Variants in PLCL1 observed in about 807,000 individuals in gnomAD.
The protein encoded by PLCL1 is inactive phospholipase C-like protein 1.
PLCL1 carries 41 observed loss-of-function variants against 84.4 expected under a neutral mutation model. The ratio of observed to expected loss-of-function variants is 0.49; its 90% CI spans 0.38 to 0.63. PLCL1 has a LOEUF of 0.63. Ranked by LOEUF, PLCL1 falls within the 30% of genes least tolerant of loss-of-function variation. The probability of loss-of-function intolerance (pLI) is 0.00; values close to 1 mark genes in which losing one functional copy is unlikely to be tolerated. For synonymous variants in PLCL1, 490 were observed against 488.3 expected, an observed-to-expected ratio of 1.00 and a Z score of -0.05; for missense variants, 1,206 against 1,367.8, an observed-to-expected ratio of 0.88 and a Z score of 1.87.
At chr2:198,110,295 C>G (rs1477551312) in intron 5 of PLCL1, among the ~76,000 whole-genome samples, 2 of 151,814 alleles carry the variant, frequency 1.3e-5, no homozygotes, top group African/African-American at 2.4e-5. Context: ...ACTACTTAAG[C>G]CTTTGCTCCT....
At chr2:197,860,223 C>T (rs556134211) in intron 1 of PLCL1, among the ~76,000 whole-genome samples, 110 of 152,082 alleles carry the variant, frequency 7.2e-4, no homozygotes, top group African/African-American at 2.6e-3. Flanking sequence ...TTTTTTATGG[C>T]TGCATAGTAT....
At chr2:198,012,970 T>C (rs1690907648) in intron 1 of PLCL1, among the ~76,000 whole-genome samples, 2 of 152,222 alleles carry the variant, frequency 1.3e-5, no homozygotes, top group South Asian at 4.1e-4. Context: ...AGAAAACCTT[T>C]TACATCTCTG....
At chr2:198,030,126 G>A (rs1691375975) in intron 1 of PLCL1, among the ~76,000 whole-genome samples, 2 of 152,064 alleles carry the variant, frequency 1.3e-5, no homozygotes, top group South Asian at 2.1e-4. Flanking sequence ...CTACTACACA[G>A]TAGTTATTTT....
At chr2:197,843,554 A>G (rs1687055019) in intron 1 of PLCL1, among the ~76,000 whole-genome samples, 1 of 152,216 alleles carries the variant, frequency 6.6e-6, no homozygotes, top group Non-Finnish European at 1.5e-5. Flanking sequence ...CAATGGAAGC[A>G]TGATGAGAAT....
Position 197,908,003 on chromosome 2 carries a change from G to T in PLCL1, c.240+102664G>T, listed in dbSNP as rs1329270846. ...CATCTTTTTTAACCTATCATCTGACGTGAGTGATATTTGAGAGGGAGAATG... is the reference window on the plus strand; with the variant it reads ...CATCTTTTTTAACCTATCATCTGACTTGAGTGATATTTGAGAGGGAGAATG... On this transcript the variant is annotated intron_variant, in intron 1 of 5. Transcript: ENST00000428675. Among the ~76,000 whole-genome samples the T allele has an allele frequency of 2.0e-5, 3 of 152,182 alleles. No individual in the cohort carries two copies. In the East Asian group the frequency reaches 5.8e-4, roughly 29 times the overall value.
intron 1 of PLCL1, among the ~76,000 whole-genome samples, chr2:198,044,932 A>G (rs1329840269): frequency 1.3e-5 from 2 of 152,208 alleles, no homozygotes; most frequent in East Asian, 1.9e-4. Flanking sequence ...TAGGTAGCAT[A>G]TAACATAGGA....
chr2:197,948,864 G>T (rs998396012), intron 1 of PLCL1, among the ~76,000 whole-genome samples: 1 of 152,098 alleles, frequency 6.6e-6, no homozygotes, highest in Non-Finnish European at 1.5e-5. Context: ...GTGTTCCTTG[G>T]GTTATCCTTG....
At chr2:197,890,682 C>CTATATATATA (rs1553500076) in intron 1 of PLCL1, among the ~76,000 whole-genome samples, 78 of 116,192 alleles carry the variant, frequency 6.7e-4, no homozygotes, top group African/African-American at 2.7e-3. Flanking sequence ...TATTTTTTTG[C>CTATATATATA]TATATATATA....
At chr2:198,053,093 A>T (rs1304598187) in intron 1 of PLCL1, among the ~76,000 whole-genome samples, 1 of 152,140 alleles carries the variant, frequency 6.6e-6, no homozygotes, top group Non-Finnish European at 1.5e-5. Flanking sequence ...TAGGTTTGGT[A>T]CTTTGACCCT....
At chr2:198,045,197 T>C (rs1411617470) in intron 1 of PLCL1, among the ~76,000 whole-genome samples, 4 of 152,206 alleles carry the variant, frequency 2.6e-5, no homozygotes, top group Non-Finnish European at 5.9e-5. Context: ...AGAAATTAAT[T>C]TGGGGTGATA....
chr2:198,111,648 A>C (rs1693625100), intron 5 of PLCL1, among the ~76,000 whole-genome samples: 1 of 151,846 alleles, frequency 6.6e-6, no homozygotes, highest in Non-Finnish European at 1.5e-5. Flanking sequence ...TAACCCTGTA[A>C]ATTTACTCTT....
chr2:198,131,811 A>G (rs1224076673), intron 5 of PLCL1, among the ~76,000 whole-genome samples: 1 of 152,184 alleles, frequency 6.6e-6, no homozygotes, highest in East Asian at 1.9e-4. Flanking sequence ...CATTTAAAAT[A>G]AAACGGGACT....
intron 1 of PLCL1, among the ~76,000 whole-genome samples, chr2:197,949,621 C>T (rs1689349534): frequency 6.6e-6 from 1 of 152,118 alleles, no homozygotes; most frequent in African/African-American, 2.4e-5. Flanking sequence ...GATACCCTTA[C>T]ATAACAAGGG....
intron 5 of PLCL1, among the ~76,000 whole-genome samples, chr2:198,127,007 T>TGG: frequency 2.0e-5 from 1 of 50,536 alleles, no homozygotes; most frequent in African/African-American, 6.4e-5. Flanking sequence ...TGTGTGTGTG[T>TGG]GTGTGGGGGG....
intron 1 of PLCL1, among the ~76,000 whole-genome samples, chr2:198,081,609 G>C (rs1692716211): frequency 6.6e-6 from 1 of 152,178 alleles, no homozygotes; most frequent in Non-Finnish European, 1.5e-5. Context: ...GAGCTAAGTT[G>C]TCAAATGCCA....
intron 5 of PLCL1, among the ~76,000 whole-genome samples, chr2:198,143,347 G>A (rs1390801659): frequency 6.6e-6 from 1 of 152,182 alleles, no homozygotes; most frequent in African/African-American, 2.4e-5. Flanking sequence ...AGGCAGTAAT[G>A]CTCACTCACC....
intron 5 of PLCL1, among the ~76,000 whole-genome samples, chr2:198,115,216 G>A (rs1332139876): frequency 1.3e-5 from 2 of 151,836 alleles, no homozygotes; most frequent in Non-Finnish European, 2.9e-5. Flanking sequence ...AAGTTCCAGG[G>A]CCTAAGGGGA....
At chr2:197,999,191 A>G (rs1690539519) in intron 1 of PLCL1, among the ~76,000 whole-genome samples, 1 of 152,220 alleles carries the variant, frequency 6.6e-6, no homozygotes, top group African/African-American at 2.4e-5. Flanking sequence ...CTCAAGGCAC[A>G]GAGCAGGGCA....
intron 1 of PLCL1, among the ~76,000 whole-genome samples, chr2:198,073,700 G>A (rs1692513883): frequency 6.6e-6 from 1 of 152,082 alleles, no homozygotes; most frequent in Non-Finnish European, 1.5e-5. Flanking sequence ...TGCTTTAAGG[G>A]GTTTGTTGCA....
Sources: gnomAD v4.1 joint callset for allele counts (sites outside exome capture counted in the v4.1 genomes callset) on GRCh38, gnomAD v4.1.1 for gene constraint, MANE v1.5 for transcripts, NCBI Gene and HGNC (gene_info 2026-07-23, HGNC 2026-07-21) for gene names.